The following EPHA2 variants were observed in gnomAD, a reference collection of about 807,000 sequenced individuals.
EPHA2 encodes EPH receptor A2.
EPHA2 carries 54 observed loss-of-function variants against 104.9 expected under a neutral mutation model. The ratio of observed to expected loss-of-function variants is 0.51; its 90% CI spans 0.41 to 0.65. The LOEUF (loss-of-function observed/expected upper bound fraction) is 0.65. Among genes scored for constraint, EPHA2 ranks in the 30% least tolerant of loss-of-function variants. EPHA2 has a pLI of 0.00. For synonymous variants in EPHA2, 560 were observed against 559.1 expected, an observed-to-expected ratio of 1.00 and a Z score of -0.02; for missense variants, 1,117 against 1,369.5, an observed-to-expected ratio of 0.82 and a Z score of 2.91.
Position 16,135,754 on chromosome 1 carries a change from C to T in EPHA2, c.1329G>A (p.Arg443=). 2 of 1,612,966 alleles carry T rather than the reference C, an allele frequency of 1.2e-6. No homozygotes were observed. Among genetic ancestry groups the T allele is most frequent in the Non-Finnish European group, 1.7e-6 (2 of 1,179,822 alleles). ...GCGAGGTGGTGCTGCGGCCCTCCAG[C>T]CTCACCTTGGGGGGCTCTGGGCAGG... The part of the protein sequence containing the change: ...SINQTEPPKV[R]LEGRSTTSLS... Residue 443 remains arginine (R), a synonymous_variant, in exon 6 of 17, where the codon AGG becomes AGA. Coordinates refer to ENST00000358432, the MANE Select transcript of EPHA2 (RefSeq NM_004431.5). The surrounding 1 kb of genome is among the most constrained non-coding windows in gnomAD (Gnocchi z 4.3).
At chr1:16,153,687 G>C (rs534214789) in intron 1 of EPHA2, among the ~76,000 whole-genome samples, 2 of 152,314 alleles carry the variant, frequency 1.3e-5, no homozygotes, top group African/African-American at 4.8e-5. Flanking sequence ...AATGAGGGCA[G>C]ATTCAGTGGC....
Position 16,150,820 on chromosome 1 carries a change from G to A in EPHA2, c.153+76C>T, listed in dbSNP as rs2025019831. On this transcript the variant is annotated intron_variant, in intron 2 of 16. Transcript: ENST00000358432. The surrounding 1 kb of genome is among the most constrained non-coding windows in gnomAD (Gnocchi z 4.8). ...TGAAGCCAGGCCCCACGCTCCCTGG[G>A]CCTCAGTTTCTCCATCTCTACAGGG... is the stretch of plus-strand genomic sequence containing the variant. The A allele has an allele frequency of 6.5e-7, 1 of 1,534,130 alleles. No individual in the cohort carries two copies. The highest frequency in any genetic ancestry group is 1.4e-5 in the African/African-American group (1 of 73,188).
intron 1 of EPHA2, chr1:16,153,055 G>T: frequency 1.1e-6 from 1 of 930,022 alleles, no homozygotes; most frequent in Non-Finnish European, 1.3e-6. Flanking sequence ...GACCCAGACG[G>T]CTTCCTGGAG....
At chr1:16,140,462 T>C (rs2024803350) in intron 3 of EPHA2, among the ~76,000 whole-genome samples, 1 of 152,152 alleles carries the variant, frequency 6.6e-6, no homozygotes, top group Non-Finnish European at 1.5e-5. Context: ...GCAATAGACC[T>C]GCTATATACA....
At chr1:16,127,730 C>G (rs2024495766) in intron 16 of EPHA2, among the ~76,000 whole-genome samples, 1 of 152,176 alleles carries the variant, frequency 6.6e-6, no homozygotes, top group South Asian at 2.1e-4. Flanking sequence ...GCACCAGTGG[C>G]TGGTGGGAGG....
rs2124214349 is a variant in EPHA2 at position 16,135,222 on chromosome 1, G to A, written c.1429-33C>T. On this transcript the variant is annotated intron_variant, in intron 6 of 16. Transcript: ENST00000358432. The surrounding 1 kb of genome is among the most constrained non-coding windows in gnomAD (Gnocchi z 4.3). ...TGGGTGGCCGGCGGAGGAGCAGGCAGTGAGGGCAGGGCAGGGGCCTCGGCT... is the reference window on the plus strand; with the variant it reads ...TGGGTGGCCGGCGGAGGAGCAGGCAATGAGGGCAGGGCAGGGGCCTCGGCT... 6.2e-7 allele frequency: 1 copy of A among 1,612,590 alleles called. No individual in the cohort carries two copies. The highest frequency in any genetic ancestry group is 8.5e-7 in the Non-Finnish European group (1 of 1,179,826).
In EPHA2 at chr1:16,131,814, G is replaced by A; in HGVS notation, c.2382C>T (p.Phe794=). 1.9e-6 allele frequency: 3 copies of A among 1,614,122 alleles called. No homozygotes were observed. Among genetic ancestry groups the A allele is most frequent in the Non-Finnish European group, 2.5e-6 (3 of 1,180,026 alleles). The change falls in exon 14 of 17, where the codon TTC becomes TTT. Residue 794 remains phenylalanine, a synonymous_variant. Coordinates refer to ENST00000358432, the MANE Select transcript of EPHA2 (RefSeq NM_004431.5). The surrounding 1 kb of genome is among the most constrained non-coding windows in gnomAD (Gnocchi z 5.2). ...TAPEAISYRK[F]TSASDVWSFG... ...AGCTCCACACGTCGCTGGCAGAGGT[G>A]AACTTCCGGTAGGAAATGGCCTCCG...
At position 16,133,918 on chromosome 1, in the gene EPHA2, G is replaced by C; in HGVS notation, c.1683-3C>G. 1 of 1,550,826 alleles carries C rather than the reference G, an allele frequency of 6.4e-7. No homozygotes were observed. The highest frequency in any genetic ancestry group is 1.7e-4 in the Middle Eastern group (1 of 5,976). On this transcript the variant is annotated splice_polypyrimidine_tract_variant and splice_region_variant and intron_variant, in intron 8 of 16. Coordinates refer to ENST00000358432, the MANE Select transcript of EPHA2 (RefSeq NM_004431.5). Reference sequence around the variant, plus strand: ...GGCGGGCACGCTGGTTCTTCCTCCTGAAAGAGCCCCACGGGGAACCAAATG... The same window carrying C: ...GGCGGGCACGCTGGTTCTTCCTCCTCAAAGAGCCCCACGGGGAACCAAATG...
rs1466743604 is a variant in EPHA2, at chr1:16,131,468, TA to T, written c.2475+252del. Among the ~76,000 whole-genome samples the T allele has an allele frequency of 6.6e-6, 1 of 151,996 alleles. No homozygotes were observed. The highest frequency in any genetic ancestry group is 1.5e-5 in the Non-Finnish European group (1 of 68,014). On this transcript the variant is annotated intron_variant, in intron 14 of 16. Transcript: ENST00000358432. This position sits in a 1 kb window ranked among gnomAD's most constrained non-coding sequence, Gnocchi z 5.2. ...GGTGGCGCATGCCTGTAATCCCAGC[TA>T]CTCGGGAGGCTGAGGCAGGAGAATT...
At chr1:16,145,340 C>G (rs1231483752) in intron 3 of EPHA2, among the ~76,000 whole-genome samples, 2 of 152,242 alleles carry the variant, frequency 1.3e-5, no homozygotes, top group African/African-American at 4.8e-5. Context: ...TGGGAGCGCT[C>G]CGGGCAGCGT....
At chr1:16,136,255 C>A (rs950917966) in intron 5 of EPHA2, among the ~76,000 whole-genome samples, 5 of 151,752 alleles carry the variant, frequency 3.3e-5, no homozygotes, top group Non-Finnish European at 7.4e-5. Flanking sequence ...ACCCTGGCCC[C>A]ATCACAGGGG....
rs1330075960 is a variant in EPHA2 at position 16,129,479 on chromosome 1, G to T, written c.2780C>A (p.Ala927Glu). The change falls in exon 16 of 17, where the codon GCG becomes GAG. Residue 927 changes from alanine (A) to glutamate (E), a missense_variant. Around this residue, in one of 3 missense-constraint regions of EPHA2, gnomAD observed 340 missense variants for 480.5 expected, o/e 0.71. Transcript: ENST00000358432. ...KMQQYTEHFM[A>E]AGYTAIEKVV... is the part of the protein sequence containing the mutation. ...CTTCTCGATGGCAGTGTAGCCGGCC[G>T]CCATGAAGTGCTCCGTATACTGCTG... is the stretch of plus-strand genomic sequence containing the variant. The T allele has an allele frequency of 6.2e-7, 1 of 1,613,852 alleles. No homozygotes were observed. Among genetic ancestry groups the T allele is most frequent in the Admixed American group, 1.7e-5 (1 of 60,016 alleles).
intron 1 of EPHA2, 88 bp from the exon 2 acceptor site, chr1:16,151,051 C>G: frequency 7.4e-7 from 1 of 1,356,170 alleles, no homozygotes; most frequent in Non-Finnish European, 1.1e-6. Context: ...CTCCAGGAAC[C>G]CCAACTCTCA....
At chr1:16,140,448 C>A (rs1344665881) in intron 3 of EPHA2, among the ~76,000 whole-genome samples, 1 of 152,154 alleles carries the variant, frequency 6.6e-6, no homozygotes, top group South Asian at 2.1e-4. Context: ...CTCATTTAGT[C>A]CTCGCAATAG....
In EPHA2 at chr1:16,130,804, A is replaced by G. The variant is rs1043895953; in HGVS notation, c.2476-385T>C. ...GCCAACACACTTGGCTAATTTTTTA[A>G]TTTTTTGTAGAGATGGGGTTTCGTC... On this transcript the variant is annotated intron_variant, in intron 14 of 16. Coordinates refer to ENST00000358432, the MANE Select transcript of EPHA2 (RefSeq NM_004431.5). The surrounding 1 kb of genome is among the most constrained non-coding windows in gnomAD (Gnocchi z 4.5). Among the ~76,000 whole-genome samples, 15 of 151,884 alleles carry G rather than the reference A, an allele frequency of 9.9e-5. No individual in the cohort carries two copies. The highest frequency in any genetic ancestry group is 8.5e-4 in the Admixed American group (13 of 15,246).
Position 16,129,374 on chromosome 1 carries a change from G to A in EPHA2, c.2825+60C>T, listed in dbSNP as rs2024530975. ...AGGGAAGAGGGCTGGGGGGGGCATG[G>A]AGGCAGCCTCTGGAGTGGGAGGCGG... is the stretch of plus-strand genomic sequence containing the variant. On this transcript the variant is annotated intron_variant, in intron 16 of 16. Coordinates refer to ENST00000358432, the MANE Select transcript of EPHA2 (RefSeq NM_004431.5). 3.8e-6 allele frequency: 6 copies of A among 1,589,630 alleles called. No individual in the cohort carries two copies. In the South Asian group the frequency reaches 4.4e-5, roughly 12 times the overall value.
chr1:16,128,248 C>G lies in EPHA2; in HGVS notation c.2825+1186G>C, dbSNP rs1201953227. Among the ~76,000 whole-genome samples the G allele has an allele frequency of 6.6e-6, 1 of 152,158 alleles. No individual in the cohort carries two copies. Among genetic ancestry groups the G allele is most frequent in the Non-Finnish European group, 1.5e-5 (1 of 68,016 alleles). The stretch of plus-strand genomic sequence containing the variant: ...TTGAACCCAGGTATGTGTGCAGAGC[C>G]CAAGCCTGTGGCCCTGCTGGGCTGG... On this transcript the variant is annotated intron_variant, in intron 16 of 16. Transcript: ENST00000358432. The surrounding 1 kb of genome is among the most constrained non-coding windows in gnomAD (Gnocchi z 4.7).
In EPHA2 at chr1:16,133,548, C is replaced by T. The variant is rs1392228464; in HGVS notation, c.1797G>A (p.Gln599=). ...VDPHTYEDPN[Q]AVLKFTTEIH... ...TCTCGGTAGTGAACTTCAACACAGC[C>T]TGGTTGGGGTCCTCATATGTGTGGG... The change falls in exon 10 of 17, where the codon CAG becomes CAA. Residue 599 remains glutamine, a synonymous_variant. Coordinates refer to ENST00000358432, the MANE Select transcript of EPHA2 (RefSeq NM_004431.5). 1 of 1,614,076 alleles carries T rather than the reference C, an allele frequency of 6.2e-7. No homozygotes were observed. Among genetic ancestry groups the T allele is most frequent in the Non-Finnish European group, 8.5e-7 (1 of 1,179,964 alleles).
chr1:16,155,738 G>T (rs2025150165), intron 1 of EPHA2, 110 bp downstream of exon 1: 3 of 892,872 alleles, frequency 3.4e-6, no homozygotes, highest in Non-Finnish European at 3.1e-6. Context: ...CCAGTTCGCC[G>T]GGACTGGGCG....
Sources: allele counts gnomAD v4.1 joint callset (sites outside exome capture counted in the v4.1 genomes callset), GRCh38; gene constraint gnomAD v4.1.1; regional missense constraint gnomAD v4.1.1; non-coding constraint Gnocchi (gnomAD v3.1); transcripts MANE v1.5; gene names NCBI Gene and HGNC (gene_info 2026-07-23, HGNC 2026-07-21).